Variants in BIN3 observed in about 807,000 individuals in gnomAD.
BIN3 encodes bridging integrator 3.
BIN3 carries 41 observed loss-of-function variants against 38.2 expected under a neutral mutation model. The observed-to-expected ratio is 1.07, with a 90% CI of 0.84 to 1.39. BIN3 has a LOEUF of 1.39. BIN3 is among the 40% of genes most tolerant of loss of function. BIN3 has a pLI of 0.00. For missense variants in BIN3, 361 were observed against 324.3 expected (o/e 1.11, Z -0.87); for synonymous variants, 145 against 122.6 (o/e 1.18, Z -1.21).
At chr8:22,637,159 G>A (rs987512673) in intron 2 of BIN3, among the ~76,000 whole-genome samples, 197 bp from the exon 3 acceptor site, 9 of 152,210 alleles carry the variant, frequency 5.9e-5, no homozygotes, top group Admixed American at 5.9e-4. Flanking sequence ...GAATTACGGA[G>A]GAAGGCTCCC....
intron 4 of BIN3, among the ~76,000 whole-genome samples, chr8:22,635,446 C>T (rs560610493): frequency 6.6e-6 from 1 of 152,246 alleles, no homozygotes; most frequent in Admixed American, 6.5e-5. Flanking sequence ...CTTTCAGGTC[C>T]TCGTCCCAGT....
intron 1 of BIN3, chr8:22,645,014 G>C: frequency 2.0e-6 from 1 of 512,590 alleles, no homozygotes; most frequent in Non-Finnish European, 3.6e-6. Flanking sequence ...TACAGTGTCA[G>C]ATGCAGGTTG....
chr8:22,649,524 A>G (rs1293998798), intron 1 of BIN3, among the ~76,000 whole-genome samples: 1 of 152,200 alleles, frequency 6.6e-6, no homozygotes, highest in Non-Finnish European at 1.5e-5. Flanking sequence ...ACGATTCCGC[A>G]TCTAAAAGAT....
chr8:22,621,687 G>C, intron 8 of BIN3, 119 bp from the exon 9 acceptor site: 1 of 1,116,256 alleles, frequency 9.0e-7, no homozygotes, highest in Non-Finnish European at 1.3e-6. Flanking sequence ...CTGTGCAGCA[G>C]CGTGCCTTTG....
intron 2 of BIN3, among the ~76,000 whole-genome samples, chr8:22,642,832 C>A (rs1262779927): frequency 6.6e-6 from 1 of 152,184 alleles, no homozygotes; most frequent in Non-Finnish European, 1.5e-5. Flanking sequence ...CCTACCTGAC[C>A]CCCAGTCTAT....
intron 6 of BIN3, among the ~76,000 whole-genome samples, chr8:22,626,746 C>T (rs759288472): frequency 1.7e-4 from 26 of 152,192 alleles, no homozygotes; most frequent in Non-Finnish European, 2.8e-4. Context: ...GCCGTGTGTG[C>T]GCAAGGTGGC....
At chr8:22,647,914 C>T (rs1345713901) in intron 1 of BIN3, among the ~76,000 whole-genome samples, 1 of 151,818 alleles carries the variant, frequency 6.6e-6, no homozygotes, top group East Asian at 1.9e-4. Flanking sequence ...ATCACGAGGT[C>T]GGGAGATCGA....
chr8:22,649,371 AAAAGT>A (rs10576952), intron 1 of BIN3, among the ~76,000 whole-genome samples: 41,527 of 151,640 alleles, frequency 0.27, 6,775 homozygotes, highest in East Asian at 0.6. Context: ...TATCTCCTTA[AAAAGT>A]AAAGTATTCA....
At chr8:22,629,347 G>A (rs1437499385) in intron 6 of BIN3, among the ~76,000 whole-genome samples, 1 of 152,122 alleles carries the variant, frequency 6.6e-6, no homozygotes, top group Non-Finnish European at 1.5e-5. Context: ...GGGCTTTAAG[G>A]CACGGCTCTG....
chr8:22,645,645 A>G lies in BIN3; in HGVS notation c.9-842T>C, dbSNP rs151079061. Among the ~76,000 whole-genome samples the G allele has an allele frequency of 5.5e-3, 839 of 152,334 alleles. 8 individuals carry two copies. Among genetic ancestry groups the G allele is most frequent in the African/African-American group, 0.019 (809 of 41,558 alleles). On this transcript the variant is annotated intron_variant, in intron 1 of 8. Coordinates refer to ENST00000276416, the MANE Select transcript of BIN3 (RefSeq NM_018688.6). ...AAGGGAAGACACCCTGTGAATGACA[A>G]TAAAACCTTGTGTCTTGAGGAGGTG...
At chr8:22,650,943 G>A (rs1276574749) in intron 1 of BIN3, among the ~76,000 whole-genome samples, 1 of 152,162 alleles carries the variant, frequency 6.6e-6, no homozygotes, top group Admixed American at 6.5e-5. Context: ...GGAGGATATT[G>A]TGAGTTTTCT....
chr8:22,635,901 G>A (rs911018409), intron 4 of BIN3, among the ~76,000 whole-genome samples: 20 of 152,048 alleles, frequency 1.3e-4, no homozygotes, highest in Admixed American at 9.8e-4. Context: ...CCTTATTCCC[G>A]ACCTGCTTGT....
In BIN3 at chr8:22,645,227, G is replaced by A. The variant is rs187009692; in HGVS notation, c.9-424C>T. On this transcript the variant is annotated intron_variant, in intron 1 of 8. Coordinates refer to ENST00000276416, the MANE Select transcript of BIN3 (RefSeq NM_018688.6). ...CATACCTGCAATCCCAGCACTTTGG[G>A]AGGCCCAGGTGGAGGACTGCTTGAG... is the stretch of plus-strand genomic sequence containing the variant. 3.2e-4 allele frequency among the ~76,000 whole-genome samples: 48 copies of A among 151,848 alleles called. No homozygotes were observed. The East Asian group carries it at 7.9e-3, about 25-fold the overall frequency.
rs141786587 is a variant in BIN3 at position 22,642,463 on chromosome 8, G to T, written c.57+2292C>A. 6.8e-3 allele frequency among the ~76,000 whole-genome samples: 1,041 copies of T among 152,324 alleles called. 13 individuals are homozygous for T. The highest frequency in any genetic ancestry group is 0.023 in the African/African-American group (972 of 41,564). On this transcript the variant is annotated intron_variant, in intron 2 of 8. Coordinates refer to ENST00000276416, the MANE Select transcript of BIN3 (RefSeq NM_018688.6). ...AACTACTCCGAGCTGTAGCTCAGCT[G>T]TGATTCCTTGTGAGAGATCAAAGGC...
At chr8:22,667,789 T>C (rs566787301) in intron 1 of BIN3, among the ~76,000 whole-genome samples, 19 of 152,308 alleles carry the variant, frequency 1.2e-4, no homozygotes, top group Admixed American at 2.0e-4. Context: ...GTCTGACATT[T>C]GTCCATCAAT....
chr8:22,632,825 C>T (rs1418007111), intron 4 of BIN3, among the ~76,000 whole-genome samples: 4 of 151,968 alleles, frequency 2.6e-5, no homozygotes, highest in Admixed American at 2.6e-4. Flanking sequence ...TCTCCTGCCT[C>T]AGCCTCTCAA....
intron 6 of BIN3, chr8:22,624,636 AT>A: frequency 2.5e-6 from 1 of 396,992 alleles, no homozygotes; most frequent in East Asian, 4.7e-5. Flanking sequence ...GTGAGGGCAG[AT>A]GAGAGGAGGT....
intron 1 of BIN3, among the ~76,000 whole-genome samples, chr8:22,666,568 G>A (rs1016253222): frequency 2.6e-5 from 4 of 152,162 alleles, no homozygotes; most frequent in Non-Finnish European, 4.4e-5. Context: ...TGTATGGGGA[G>A]TGGATGGGTA....
intron 1 of BIN3, among the ~76,000 whole-genome samples, chr8:22,658,064 C>T (rs895454086): frequency 1.3e-5 from 2 of 152,216 alleles, no homozygotes; most frequent in Admixed American, 1.3e-4. Flanking sequence ...GGCTTGCTCC[C>T]CAGAGCGTCT....
Sources: allele counts gnomAD v4.1 joint callset (sites outside exome capture counted in the v4.1 genomes callset), GRCh38; gene constraint gnomAD v4.1.1; transcripts MANE v1.5; gene names NCBI Gene and HGNC (gene_info 2026-07-23, HGNC 2026-07-21).